ARHGAP15: variants seen among roughly 807,000 people sequenced by gnomAD.
The protein encoded by ARHGAP15 is rho GTPase-activating protein 15.
A neutral mutation model predicts 63.7 loss-of-function variants in ARHGAP15; 51 were observed. That is an observed-to-expected ratio of 0.80 (90% confidence interval 0.64 to 1.01). The LOEUF is 1.01. Ranked by LOEUF, ARHGAP15 falls within the 50% of genes least tolerant of loss-of-function variation. ARHGAP15 has a pLI of 0.00. For missense variants in ARHGAP15, 560 were observed against 564.6 expected, an observed-to-expected ratio of 0.99 and a Z score of 0.08; for synonymous variants, 191 against 193.8, an observed-to-expected ratio of 0.99 and a Z score of 0.12.
At chr2:143,733,943 AAACT>A (rs1382361118) in intron 13 of ARHGAP15, among the ~76,000 whole-genome samples, 2 of 152,312 alleles carry the variant, frequency 1.3e-5, no homozygotes, top group Middle Eastern at 3.4e-3. Flanking sequence ...TTTTACTGAA[AAACT>A]ACTTCTGCAA....
chr2:143,385,440 G>A (rs1687239597), intron 6 of ARHGAP15, among the ~76,000 whole-genome samples: 1 of 152,106 alleles, frequency 6.6e-6, no homozygotes, highest in South Asian at 2.1e-4. Flanking sequence ...TATAAGTGAA[G>A]GCATATGTTT....
intron 3 of ARHGAP15, among the ~76,000 whole-genome samples, chr2:143,206,699 T>C (rs554479328): frequency 6.6e-6 from 1 of 152,222 alleles, no homozygotes; most frequent in South Asian, 2.1e-4. Flanking sequence ...AAACTTCGTA[T>C]AAAGGCTGGC....
chr2:143,638,429 CTCATAGGTGGGAAT>C (rs1361857137), intron 12 of ARHGAP15, among the ~76,000 whole-genome samples: 2 of 137,036 alleles, frequency 1.5e-5, no homozygotes, highest in Admixed American at 7.8e-5. Flanking sequence ...CATATTCTCA[CTCATAGGTGGGAAT>C]TGAACAATGA....
intron 11 of ARHGAP15, among the ~76,000 whole-genome samples, chr2:143,601,219 G>T (rs750724832): frequency 6.6e-6 from 1 of 152,026 alleles, no homozygotes; most frequent in African/African-American, 2.4e-5. Flanking sequence ...TTACAATGTG[G>T]TAGTCTCTAT....
rs1237309867 is a variant in ARHGAP15 at position 143,722,821 on chromosome 2, G to A, written c.1244+19297G>A. 2.0e-5 allele frequency among the ~76,000 whole-genome samples: 3 copies of A among 152,306 alleles called. No homozygotes were observed. In the East Asian group the frequency reaches 5.8e-4, roughly 29 times the overall value. On this transcript the variant is annotated intron_variant, in intron 13 of 13. Coordinates refer to ENST00000295095, the MANE Select transcript of ARHGAP15 (RefSeq NM_018460.4). ...CTGTCCTGTGGCCAGAGGCAAAGGAGAAGGAGAGACCTGAGTGCAGGGTGG... is the reference window on the plus strand; with the variant it reads ...CTGTCCTGTGGCCAGAGGCAAAGGAAAAGGAGAGACCTGAGTGCAGGGTGG...
chr2:143,595,206 T>C (rs1478046878), intron 11 of ARHGAP15, among the ~76,000 whole-genome samples: 1 of 152,134 alleles, frequency 6.6e-6, no homozygotes, highest in Non-Finnish European at 1.5e-5. Context: ...TCCATTAAAT[T>C]CCAGAGTGAA....
intron 8 of ARHGAP15, among the ~76,000 whole-genome samples, chr2:143,481,439 C>G (rs1692076182): frequency 6.6e-6 from 1 of 152,056 alleles, no homozygotes; most frequent in African/African-American, 2.4e-5. Context: ...GTAATTGTAA[C>G]ATGGGAATAC....
At chr2:143,246,103 G>A (rs1694035826) in intron 5 of ARHGAP15, among the ~76,000 whole-genome samples, 1 of 152,126 alleles carries the variant, frequency 6.6e-6, no homozygotes, top group South Asian at 2.1e-4. Flanking sequence ...TTGTGATCAA[G>A]AACTTTAAAC....
At chr2:143,623,637 GT>G (rs1304969523) in intron 11 of ARHGAP15, among the ~76,000 whole-genome samples, 1 of 152,192 alleles carries the variant, frequency 6.6e-6, no homozygotes, top group Non-Finnish European at 1.5e-5. Context: ...AAGGGAAAAA[GT>G]GTTACCCATT....
At chr2:143,717,910 G>GT (rs1470752421) in intron 13 of ARHGAP15, among the ~76,000 whole-genome samples, 1 of 151,698 alleles carries the variant, frequency 6.6e-6, no homozygotes, top group Admixed American at 6.6e-5. Flanking sequence ...ATCTTCTGGG[G>GT]TTTTTTATGG....
intron 6 of ARHGAP15, among the ~76,000 whole-genome samples, chr2:143,366,523 C>T (rs6737750): frequency 0.5 from 75,972 of 151,658 alleles, 20,470 homozygotes; most frequent in African/African-American, 0.7. Context: ...TAATATTTTG[C>T]TCCTAGGTCA....
intron 9 of ARHGAP15, among the ~76,000 whole-genome samples, chr2:143,500,465 C>A (rs1156284897): frequency 6.6e-6 from 1 of 151,926 alleles, no homozygotes; most frequent in Admixed American, 6.6e-5. Context: ...ATGTTAATTA[C>A]AATTTGTGGA....
At chr2:143,513,072 C>T (rs1056393808) in intron 9 of ARHGAP15, among the ~76,000 whole-genome samples, 1 of 152,186 alleles carries the variant, frequency 6.6e-6, no homozygotes, top group African/African-American at 2.4e-5. Flanking sequence ...TACTCCAGAG[C>T]CCCACCTTCT....
chr2:143,225,753 A>G (rs1196445795), intron 4 of ARHGAP15, among the ~76,000 whole-genome samples: 1 of 152,232 alleles, frequency 6.6e-6, no homozygotes, highest in Non-Finnish European at 1.5e-5. Context: ...CTCATTTTTC[A>G]TATTAGTAAA....
At chr2:143,625,465 TTGCTGCTGCTGC>T (rs141782073) in intron 12 of ARHGAP15, among the ~76,000 whole-genome samples, 2 of 151,312 alleles carry the variant, frequency 1.3e-5, no homozygotes, top group South Asian at 2.1e-4. Flanking sequence ...GTTGTTGCTA[TTGCTGCTGCTGC>T]TGCTGCTGCT....
chr2:143,377,305 T>C (rs1353945851), intron 6 of ARHGAP15, among the ~76,000 whole-genome samples: 1 of 152,046 alleles, frequency 6.6e-6, no homozygotes, highest in Non-Finnish European at 1.5e-5. Context: ...ACATACTTTT[T>C]AAAAACCTCT....
intron 8 of ARHGAP15, among the ~76,000 whole-genome samples, chr2:143,474,411 T>C (rs1180777011): frequency 6.6e-6 from 1 of 152,114 alleles, no homozygotes; most frequent in East Asian, 1.9e-4. Context: ...TCTTAAAAAA[T>C]GTAGGATAAA....
rs148918254 is a variant in ARHGAP15 at position 143,627,863 on chromosome 2, T to C, written c.1138+3596T>C. ...TTTTATTTTAGATTAAGAAGGTACA[T>C]GTGTAGGTTTGTTACCTGGGTATAC... is the stretch of plus-strand genomic sequence containing the variant. On this transcript the variant is annotated intron_variant, in intron 12 of 13. Coordinates refer to ENST00000295095, the MANE Select transcript of ARHGAP15 (RefSeq NM_018460.4). Among the ~76,000 whole-genome samples the C allele has an allele frequency of 3.7e-4, 57 of 152,236 alleles. No homozygotes were observed. The East Asian group carries it at 0.011, about 28-fold the overall frequency.
intron 12 of ARHGAP15, among the ~76,000 whole-genome samples, chr2:143,662,853 G>A (rs2105327960): frequency 7.3e-6 from 1 of 136,548 alleles, no homozygotes; most frequent in Admixed American, 7.3e-5. Flanking sequence ...AGCAAGAAGG[G>A]AAGTTTAGAG....
Sources: allele counts gnomAD v4.1 joint callset (sites outside exome capture counted in the v4.1 genomes callset), GRCh38; gene constraint gnomAD v4.1.1; transcripts MANE v1.5; gene names NCBI Gene and HGNC (gene_info 2026-07-23, HGNC 2026-07-21).